The following KCNC4 variants were observed in gnomAD, a reference collection of about 807,000 sequenced individuals.
The protein encoded by KCNC4 is voltage-gated potassium channel KCNC4.
In KCNC4, 23 loss-of-function variants were observed where a neutral mutation model predicts 42.8. That is an observed-to-expected ratio of 0.54 (90% CI 0.39 to 0.76). The LOEUF (loss-of-function observed/expected upper bound fraction) is 0.76, where lower values mean the gene tolerates loss of function less well. Among genes scored for constraint, KCNC4 ranks in the 30% least tolerant of loss-of-function variants. KCNC4 has a pLI of 0.00. For synonymous variants in KCNC4, 422 were observed against 393.5 expected, an observed-to-expected ratio of 1.07 and a Z score of -0.86; for missense variants, 751 against 898.2, an observed-to-expected ratio of 0.84 and a Z score of 2.10.
chr1:110,264,527 T>C (rs981763342), intron 1 of KCNC4, among the ~76,000 whole-genome samples: 1 of 152,206 alleles, frequency 6.6e-6, no homozygotes, highest in Non-Finnish European at 1.5e-5. Flanking sequence ...ATCCATTTAG[T>C]AGGGGTCCGG....
chr1:110,279,333 G>A (rs545843547), intron 1 of KCNC4, among the ~76,000 whole-genome samples: 4 of 152,256 alleles, frequency 2.6e-5, no homozygotes, highest in East Asian at 1.9e-4. Context: ...ATAAGGGTTG[G>A]GAGAGATAAT....
intron 1 of KCNC4, among the ~76,000 whole-genome samples, chr1:110,268,633 GA>G (rs1274245036): frequency 3.0e-5 from 4 of 134,834 alleles, no homozygotes; most frequent in Non-Finnish European, 4.7e-5. Flanking sequence ...AAAAAGAAAA[GA>G]AAAGAAAAAA....
At chr1:110,251,059 G>T (rs1309930848), downstream of KCNC4, among the ~76,000 whole-genome samples, 1 of 152,194 alleles carries the variant, frequency 6.6e-6, no homozygotes, top group Non-Finnish European at 1.5e-5. Flanking sequence ...TGTGGCAGTT[G>T]CTTCTACCCA....
intron 1 of KCNC4, among the ~76,000 whole-genome samples, chr1:110,212,606 G>A (rs952294624): frequency 6.6e-6 from 1 of 152,160 alleles, no homozygotes; most frequent in African/African-American, 2.4e-5. Flanking sequence ...GGAAACTAGG[G>A]TGGGTTTTGT....
downstream of KCNC4, chr1:110,237,311 C>T (rs931764057): frequency 6.6e-5 from 10 of 152,148 alleles, no homozygotes; most frequent in African/African-American, 2.2e-4. Flanking sequence ...CTCAAACAAA[C>T]ATTTATTTAA....
chr1:110,262,980 TG>T (rs1352020636), intron 1 of KCNC4, among the ~76,000 whole-genome samples: 1 of 152,246 alleles, frequency 6.6e-6, no homozygotes, highest in Non-Finnish European at 1.5e-5. Flanking sequence ...GAGGATGCTG[TG>T]CACAGGCCCT....
downstream of KCNC4, chr1:110,238,376 C>T (rs1427536733): frequency 2.0e-5 from 3 of 152,238 alleles, no homozygotes; most frequent in African/African-American, 4.8e-5. Context: ...CTAGGGCTTG[C>T]TCCCTTTCTC....
chr1:110,268,084 T>C (rs1659573978), intron 1 of KCNC4, among the ~76,000 whole-genome samples: 1 of 152,218 alleles, frequency 6.6e-6, no homozygotes, highest in South Asian at 2.1e-4. Flanking sequence ...ATAACATCAC[T>C]ATTGTGAAAC....
At chr1:110,257,683 T>C (rs962161543) in intron 1 of KCNC4, among the ~76,000 whole-genome samples, 4 of 135,202 alleles carry the variant, frequency 3.0e-5, no homozygotes, top group Non-Finnish European at 6.1e-5. Context: ...ATCGCGCTAC[T>C]GCACTCCAGC....
chr1:110,263,462 T>A (rs1456181994), intron 1 of KCNC4, among the ~76,000 whole-genome samples: 1 of 151,986 alleles, frequency 6.6e-6, no homozygotes, highest in Admixed American at 6.6e-5. Flanking sequence ...CTGCTGGAGA[T>A]AGAATGACCG....
At chr1:110,267,782 G>A (rs1659567241) in intron 1 of KCNC4, among the ~76,000 whole-genome samples, 1 of 152,130 alleles carries the variant, frequency 6.6e-6, no homozygotes, top group Non-Finnish European at 1.5e-5. Flanking sequence ...AACCTCACAG[G>A]CTAAATTGGT....
intron 1 of KCNC4, among the ~76,000 whole-genome samples, chr1:110,273,018 C>G (rs1329033039): frequency 2.6e-5 from 4 of 152,176 alleles, no homozygotes. Context: ...TCCGCAGTTC[C>G]CCTGACAATT....
chr1:110,260,847 G>A (rs907838307), intron 1 of KCNC4, among the ~76,000 whole-genome samples: 1 of 152,218 alleles, frequency 6.6e-6, no homozygotes, highest in Non-Finnish European at 1.5e-5. Context: ...GGAGAATGGT[G>A]TGAACCGGGG....
At chr1:110,275,514 T>A (rs186028044) in intron 1 of KCNC4, among the ~76,000 whole-genome samples, 1 of 152,194 alleles carries the variant, frequency 6.6e-6, no homozygotes, top group African/African-American at 2.4e-5. Flanking sequence ...ACTGGTTATC[T>A]ACCCAAAGGA....
chr1:110,276,126 T>C (rs1429063497), intron 1 of KCNC4, among the ~76,000 whole-genome samples: 5 of 151,854 alleles, frequency 3.3e-5, no homozygotes, highest in Non-Finnish European at 7.4e-5. Flanking sequence ...TGTGGAATGA[T>C]AGACACTGAA....
In KCNC4 at chr1:110,275,884, GGAGGT is replaced by G. The variant is rs202096223; in HGVS notation, n.31-6648_31-6644del. ...GACACAGGAGAATCACTTGGACCCG[GGAGGT>G]GGAGGTTGCAGTGAGCTGAGATCAC... On this transcript the variant is annotated intron_variant and non_coding_transcript_variant, in intron 1 of 2. Coordinates refer to the KCNC4 transcript ENST00000412512. 9.4e-3 allele frequency among the ~76,000 whole-genome samples: 1,416 copies of G among 150,482 alleles called. 21 individuals carry two copies. The highest frequency in any genetic ancestry group is 0.031 in the African/African-American group (1,267 of 40,736).
intron 3 of KCNC4, chr1:110,226,387 C>G: frequency 1.7e-6 from 1 of 600,262 alleles, no homozygotes; most frequent in South Asian, 1.9e-5. Context: ...CACACGGCTC[C>G]CATCCAGCTG....
chr1:110,266,408 C>T (rs1001704107), intron 1 of KCNC4, among the ~76,000 whole-genome samples: 24 of 152,160 alleles, frequency 1.6e-4, no homozygotes, highest in African/African-American at 5.6e-4. Context: ...TAATGAGAAG[C>T]AGCAAGAATT....
At chr1:110,218,004 T>C (rs996781812) in intron 1 of KCNC4, among the ~76,000 whole-genome samples, 1 of 152,178 alleles carries the variant, frequency 6.6e-6, no homozygotes, top group South Asian at 2.1e-4. Flanking sequence ...TGCCAGTGTC[T>C]TTGGCTGTGT....
Sources: gnomAD v4.1 joint callset for allele counts (sites outside exome capture counted in the v4.1 genomes callset) on GRCh38, gnomAD v4.1.1 for gene constraint, MANE v1.5 for transcripts, NCBI Gene and HGNC (gene_info 2026-07-23, HGNC 2026-07-21) for gene names.